Variants in COL23A1 observed in about 807,000 individuals in gnomAD.
COL23A1 encodes the protein collagen type XXIII alpha 1 chain.
In COL23A1, 97 loss-of-function variants were observed where a neutral mutation model predicts 99.3. The ratio of observed to expected loss-of-function variants is 0.98; its 90% CI spans 0.83 to 1.16. COL23A1 has a LOEUF of 1.16. Among genes scored for constraint, COL23A1 ranks in the 50% most tolerant of loss-of-function variants. The probability of loss-of-function intolerance (pLI) is 0.00; values close to 1 mark genes in which losing one functional copy is unlikely to be tolerated. For missense variants in COL23A1, 762 were observed against 757.4 expected (o/e 1.01, Z -0.07); for synonymous variants, 320 against 308.2 (o/e 1.04, Z -0.40).
chr5:178,344,904 CA>C, intron 2 of COL23A1: 1 of 740,716 alleles, frequency 1.4e-6, no homozygotes, highest in East Asian at 4.0e-5. Flanking sequence ...GTCTCAGGGA[CA>C]ACACGTAGAG....
chr5:178,291,718 G>GT (rs1236511910), intron 3 of COL23A1, among the ~76,000 whole-genome samples: 4 of 152,060 alleles, frequency 2.6e-5, no homozygotes, highest in Admixed American at 2.6e-4. Flanking sequence ...GCGCTGAGGT[G>GT]TCCCCATGCA....
chr5:178,471,068 G>T (rs935503877), intron 2 of COL23A1, among the ~76,000 whole-genome samples: 3 of 152,176 alleles, frequency 2.0e-5, no homozygotes, highest in Non-Finnish European at 4.4e-5. Context: ...ATCACCTGGG[G>T]ATTCCTCGTG....
intron 1 of COL23A1, among the ~76,000 whole-genome samples, chr5:178,570,810 A>G (rs1286816093): frequency 1.3e-5 from 2 of 152,140 alleles, no homozygotes; most frequent in East Asian, 1.9e-4. Context: ...TGGAGCTGAG[A>G]GCCAAGGGAG....
intron 1 of COL23A1, among the ~76,000 whole-genome samples, chr5:178,565,330 A>C (rs1292547632): frequency 6.6e-6 from 1 of 152,212 alleles, no homozygotes; most frequent in Non-Finnish European, 1.5e-5. Flanking sequence ...CTGTCTCCTC[A>C]GGGAGGCCCA....
At position 178,340,771 on chromosome 5, in the gene COL23A1, G is replaced by A. The variant is rs1027968449; in HGVS notation, c.362-33852C>T. 5.3e-5 allele frequency among the ~76,000 whole-genome samples: 8 copies of A among 152,364 alleles called. No individual in the cohort carries two copies. The South Asian group carries it at 6.2e-4, about 12-fold the overall frequency. ...GAGGTGGGCGGGAATGGAGGTGGCC[G>A]GGGCAAGGCCTGGCTTTTCTTACAT... On this transcript the variant is annotated intron_variant, in intron 2 of 28. Coordinates refer to ENST00000390654, the MANE Select transcript of COL23A1 (RefSeq NM_173465.4). This position sits in a 1 kb window ranked among gnomAD's most constrained non-coding sequence, Gnocchi z 4.7.
rs148573902 is a variant in COL23A1, at chr5:178,275,798, G to A, written c.442-5435C>T. ...CACGGGAGCTGATTCACCGGAGTGC[G>A]GTCTCCACATCCTGCTGATTTCAGC... On this transcript the variant is annotated intron_variant, in intron 5 of 28. Coordinates refer to ENST00000390654, the MANE Select transcript of COL23A1 (RefSeq NM_173465.4). Among the ~76,000 whole-genome samples the A allele has an allele frequency of 1.3e-4, 20 of 152,232 alleles. No individual in the cohort carries two copies. In the East Asian group the frequency reaches 2.1e-3, roughly 16 times the overall value.
intron 2 of COL23A1, among the ~76,000 whole-genome samples, chr5:178,475,413 G>A (rs1581460646): frequency 6.6e-6 from 1 of 152,154 alleles, no homozygotes; most frequent in Admixed American, 6.5e-5. Context: ...GGGACATTTG[G>A]TGAAGGGGGT....
Position 178,533,317 on chromosome 5 carries a change from T to A in COL23A1, c.361+27365A>T, listed in dbSNP as rs113735768. Among the ~76,000 whole-genome samples the A allele has an allele frequency of 9.8e-3, 1,491 of 152,282 alleles. 27 individuals carry two copies. Among genetic ancestry groups the A allele is most frequent in the African/African-American group, 0.034 (1,412 of 41,556 alleles). On this transcript the variant is annotated intron_variant, in intron 2 of 28. Coordinates refer to ENST00000390654, the MANE Select transcript of COL23A1 (RefSeq NM_173465.4). The stretch of plus-strand genomic sequence containing the variant: ...ATCCGTTGCTAGAACGTTTTCATCA[T>A]CCACACGGAAACTTTGTGCCCATGG...
intron 2 of COL23A1, among the ~76,000 whole-genome samples, chr5:178,420,790 A>G (rs539788813): frequency 6.7e-6 from 1 of 149,340 alleles, no homozygotes; most frequent in African/African-American, 2.5e-5. Context: ...CTCCCAAACA[A>G]TGAGAAACTT....
intron 2 of COL23A1, among the ~76,000 whole-genome samples, chr5:178,403,131 T>A (rs56029359): frequency 0.5 from 35,947 of 71,726 alleles, 10,290 homozygotes; most frequent in East Asian, 0.71. Flanking sequence ...AATAAATAAA[T>A]AAAAAATAAA....
chr5:178,468,018 C>T lies in COL23A1; in HGVS notation c.361+92664G>A, dbSNP rs970348226. On this transcript the variant is annotated intron_variant, in intron 2 of 28. Coordinates refer to ENST00000390654, the MANE Select transcript of COL23A1 (RefSeq NM_173465.4). This position sits in a 1 kb window ranked among gnomAD's most constrained non-coding sequence, Gnocchi z 4.2. ...TGGAAGGCGGCGATGCTCTCTGGAG[C>T]GGACAGGCGTATTTAATATCCCACC... Among the ~76,000 whole-genome samples the T allele has an allele frequency of 3.3e-5, 5 of 152,140 alleles. No individual in the cohort carries two copies. Among genetic ancestry groups the T allele is most frequent in the African/African-American group, 4.8e-5 (2 of 41,434 alleles).
intron 2 of COL23A1, among the ~76,000 whole-genome samples, chr5:178,382,944 G>A (rs570094474): frequency 1.3e-5 from 2 of 152,278 alleles, no homozygotes; most frequent in East Asian, 3.9e-4. Context: ...CTGAGGACAG[G>A]AGGGAGGGGG....
At chr5:178,270,278 T>C in intron 6 of COL23A1, 59 bp downstream of exon 6, 1 of 1,606,362 alleles carries the variant, frequency 6.2e-7, no homozygotes, top group Non-Finnish European at 8.5e-7. Context: ...TGGTCACTCC[T>C]AGCCCCACGG....
intron 1 of COL23A1, among the ~76,000 whole-genome samples, chr5:178,563,563 ACT>A (rs1762710391): frequency 8.9e-6 from 1 of 112,220 alleles, no homozygotes; most frequent in Non-Finnish European, 1.7e-5. Context: ...ACAGGGTCTC[ACT>A]CTGTCATCCA....
chr5:178,339,138 T>A (rs1162188476), intron 2 of COL23A1, among the ~76,000 whole-genome samples: 1 of 152,248 alleles, frequency 6.6e-6, no homozygotes, highest in East Asian at 1.9e-4. Context: ...CTCTGCCTAT[T>A]AGAGAGCTCT....
intron 2 of COL23A1, chr5:178,443,233 G>T (rs969128399): frequency 1.3e-5 from 2 of 152,002 alleles, no homozygotes; most frequent in African/African-American, 4.8e-5. Flanking sequence ...GGCAGGAAAC[G>T]AACCCTACTT....
At chr5:178,513,294 C>T (rs1759317764) in intron 2 of COL23A1, among the ~76,000 whole-genome samples, 1 of 152,314 alleles carries the variant, frequency 6.6e-6, no homozygotes, top group South Asian at 2.1e-4. Context: ...CTTACATCCC[C>T]CCTGCAACCT....
intron 2 of COL23A1, among the ~76,000 whole-genome samples, chr5:178,547,450 C>T (rs1761647271): frequency 6.7e-6 from 1 of 148,960 alleles, no homozygotes; most frequent in Non-Finnish European, 1.5e-5. Context: ...TTTATGCATG[C>T]ACGTGTGGGC....
intron 2 of COL23A1, among the ~76,000 whole-genome samples, chr5:178,537,353 CTCAGAG>C (rs1724180471): frequency 6.6e-6 from 1 of 152,254 alleles, no homozygotes; most frequent in African/African-American, 2.4e-5. Context: ...AGCTCCAGCA[CTCAGAG>C]TCAGAAACCA....
Sources: allele counts gnomAD v4.1 joint callset (sites outside exome capture counted in the v4.1 genomes callset), GRCh38; gene constraint gnomAD v4.1.1; non-coding constraint Gnocchi (gnomAD v3.1); transcripts MANE v1.5; gene names NCBI Gene and HGNC (gene_info 2026-07-23, HGNC 2026-07-21).